The following SHROOM2 variants were observed in gnomAD, a reference collection of about 807,000 sequenced individuals.
SHROOM2 encodes the protein shroom family member 2.
In SHROOM2, 33 loss-of-function variants were observed where a neutral mutation model predicts 75.9. The observed-to-expected ratio is 0.43, with a 90% CI of 0.33 to 0.58. The LOEUF (loss-of-function observed/expected upper bound fraction) is 0.58, where lower values mean the gene tolerates loss of function less well. Ranked by LOEUF, SHROOM2 falls within the 20% of genes least tolerant of loss-of-function variation. SHROOM2 has a pLI of 0.04. For synonymous variants in SHROOM2, 655 were observed against 663.6 expected (o/e 0.99, Z 0.20); for missense variants, 1,434 against 1,461.2 (o/e 0.98, Z 0.30).
At chrX:9,866,608 G>A (rs933618927) in intron 1 of SHROOM2, among the ~76,000 whole-genome samples, 1 of 110,956 alleles carries the variant, frequency 9.0e-6, no homozygotes, top group African/African-American at 3.3e-5. Context: ...CAGAGATGTA[G>A]GGGTAGTGCC....
intron 1 of SHROOM2, among the ~76,000 whole-genome samples, chrX:9,863,938 G>A (rs930712054): frequency 9.0e-6 from 1 of 111,287 alleles, no homozygotes; most frequent in African/African-American, 3.3e-5. Flanking sequence ...CTGTGTCATT[G>A]GATTCTTTTC....
chrX:9,846,801 C>G (rs183518634), intron 1 of SHROOM2, among the ~76,000 whole-genome samples: 6 of 112,224 alleles, frequency 5.3e-5, no homozygotes, highest in Non-Finnish European at 9.4e-5. Context: ...GCATCTGTGC[C>G]GCCTCTGAGC....
chrX:9,915,003 G>A (rs757390008), intron 5 of SHROOM2, among the ~76,000 whole-genome samples: 16 of 112,302 alleles, frequency 1.4e-4, no homozygotes, highest in East Asian at 5.6e-4. Context: ...ACAGAAACCC[G>A]TTAATCAGGC....
intron 1 of SHROOM2, among the ~76,000 whole-genome samples, chrX:9,793,795 A>G (rs1300837906): frequency 3.4e-4 from 37 of 107,453 alleles, no homozygotes; most frequent in Non-Finnish European, 9.6e-5. Context: ...CTCAAGCTGG[A>G]GTGCAGTGTC....
At position 9,932,828 on chromosome X, in the gene SHROOM2, C is replaced by T. The variant is rs778481158; in HGVS notation, c.3545C>T (p.Thr1182Met). 34 of 1,201,627 alleles carry T rather than the reference C, an allele frequency of 2.8e-5. No homozygotes were observed. The highest frequency in any genetic ancestry group is 1.0e-4 in the African/African-American group (6 of 57,257). Residue 1182 changes from threonine (T) to methionine (M), a missense_variant, in exon 6 of 10, where the codon ACG becomes ATG. Around this residue, in one of 3 missense-constraint regions of SHROOM2, gnomAD observed 1,340 missense variants for 1,338.3 expected, o/e 1.00. Transcript: ENST00000380913. ...CCCCAGTTCGCCCCCCAGAAACTGACGGACAAACCTCCCCTGCTCATCCAG... is the reference window on the plus strand; with the variant it reads ...CCCCAGTTCGCCCCCCAGAAACTGATGGACAAACCTCCCCTGCTCATCCAG... ...PSPQFAPQKL[T>M]DKPPLLIQDE... is the part of the protein sequence containing the mutation.
At chrX:9,898,695 C>T (rs1421939131) in intron 5 of SHROOM2, among the ~76,000 whole-genome samples, 3 of 112,132 alleles carry the variant, frequency 2.7e-5, no homozygotes, top group African/African-American at 6.5e-5. Flanking sequence ...TGCCTAGCCG[C>T]GGCCTGGAAA....
At chrX:9,927,884 G>C (rs1445195570) in intron 5 of SHROOM2, among the ~76,000 whole-genome samples, 1 of 111,175 alleles carries the variant, frequency 9.0e-6, no homozygotes, top group Non-Finnish European at 1.9e-5. Context: ...GACTGGGGGA[G>C]CTGAGGGCTG....
intron 9 of SHROOM2, among the ~76,000 whole-genome samples, chrX:9,945,196 C>A (rs2084808259): frequency 9.0e-6 from 1 of 111,200 alleles, no homozygotes; most frequent in Non-Finnish European, 1.9e-5. Context: ...CAGCCTCTGC[C>A]TCCCGAGGTT....
intron 5 of SHROOM2, among the ~76,000 whole-genome samples, chrX:9,903,403 C>G (rs2084374959): frequency 8.9e-6 from 1 of 112,601 alleles, no homozygotes. Context: ...TAGCTTTGTA[C>G]AGTGTAGTAC....
intron 1 of SHROOM2, among the ~76,000 whole-genome samples, chrX:9,857,994 T>C (rs1374860090): frequency 3.6e-5 from 4 of 111,433 alleles, no homozygotes; most frequent in Non-Finnish European, 7.5e-5. Context: ...TCCCAGCCTC[T>C]GCGAGCGCTG....
intron 1 of SHROOM2, among the ~76,000 whole-genome samples, chrX:9,803,855 G>A (rs2083737385): frequency 9.0e-6 from 1 of 111,550 alleles, no homozygotes; most frequent in African/African-American, 3.3e-5. Context: ...GTGAGAATCT[G>A]CCAGCACTGT....
At chrX:9,944,225 T>C (rs2084796489) in intron 8 of SHROOM2, among the ~76,000 whole-genome samples, 1 of 111,115 alleles carries the variant, frequency 9.0e-6, no homozygotes, top group African/African-American at 3.3e-5. Context: ...ACATAACTAA[T>C]CACGGAATTT....
At chrX:9,893,017 C>G (rs2084302699) in intron 3 of SHROOM2, among the ~76,000 whole-genome samples, 1 of 112,568 alleles carries the variant, frequency 8.9e-6, no homozygotes, top group South Asian at 3.7e-4. Context: ...TGTTTAGGAG[C>G]CTGTGTTTTT....
intron 1 of SHROOM2, among the ~76,000 whole-genome samples, chrX:9,855,387 G>A (rs1426960963): frequency 1.9e-5 from 2 of 104,466 alleles, no homozygotes; most frequent in Non-Finnish European, 3.9e-5. Flanking sequence ...TGCCCATTGT[G>A]TTATGCATTT....
chrX:9,944,613 TG>T, intron 8 of SHROOM2, 27 bp from the exon 9 acceptor site: 1 of 1,189,041 alleles, frequency 8.4e-7, no homozygotes, highest in Non-Finnish European at 1.1e-6. Flanking sequence ...AGTGTCTCCG[TG>T]TTCCCTTGCC....
At chrX:9,843,339 T>G (rs1282656344) in intron 1 of SHROOM2, among the ~76,000 whole-genome samples, 3 of 111,399 alleles carry the variant, frequency 2.7e-5, no homozygotes, top group African/African-American at 9.8e-5. Flanking sequence ...TTGTTCCTAT[T>G]TCCTTAGTTT....
chrX:9,831,831 TC>T (rs2083918034), intron 1 of SHROOM2, among the ~76,000 whole-genome samples: 1 of 110,618 alleles, frequency 9.0e-6, no homozygotes, highest in Non-Finnish European at 1.9e-5. Context: ...CTCTCTGGGG[TC>T]CCTTTAATAA....
intron 5 of SHROOM2, among the ~76,000 whole-genome samples, chrX:9,906,957 A>G (rs189559920): frequency 4.6e-4 from 51 of 111,731 alleles, no homozygotes; most frequent in African/African-American, 1.4e-3. Context: ...AAAAGCAGCC[A>G]CACGGTGACC....
At position 9,894,672 on chromosome X, in the gene SHROOM2, C is replaced by T. The variant is rs1176593698; in HGVS notation, c.764C>T (p.Ala255Val). The T allele has an allele frequency of 8.3e-7, 1 of 1,210,769 alleles. No individual in the cohort carries two copies. Among genetic ancestry groups the T allele is most frequent in the Admixed American group, 2.2e-5 (1 of 45,999 alleles). Residue 255 changes from alanine (A) to valine (V), a missense_variant, in exon 4 of 10, where the codon GCA becomes GTA. This residue lies in a region of SHROOM2 where 1,340 missense variants were observed against 1,338.3 expected (regional missense o/e 1.00). Coordinates refer to ENST00000380913, the MANE Select transcript of SHROOM2 (RefSeq NM_001649.4). Reference sequence around the variant, plus strand: ...CAGGGTGGCCGGCAGGCCCAGGCCGCAGGCGACCCTCAGGGCTCGGAGGAG... The same window carrying T: ...CAGGGTGGCCGGCAGGCCCAGGCCGTAGGCGACCCTCAGGGCTCGGAGGAG... ...PRQGGRQAQA[A>V]GDPQGSEEKL...
Sources: allele counts gnomAD v4.1 joint callset (sites outside exome capture counted in the v4.1 genomes callset), GRCh38; gene constraint gnomAD v4.1.1; regional missense constraint gnomAD v4.1.1; transcripts MANE v1.5; gene names NCBI Gene and HGNC (gene_info 2026-07-23, HGNC 2026-07-21).